Variants in SCYL3 observed in about 807,000 individuals in gnomAD.
SCYL3 encodes SCY1 like pseudokinase 3.
In SCYL3, 35 loss-of-function variants were observed where a neutral mutation model predicts 73.8. That is an observed-to-expected ratio of 0.47 (90% CI 0.36 to 0.63). The LOEUF (loss-of-function observed/expected upper bound fraction) is 0.63, where lower values mean the gene tolerates loss of function less well. Ranked by LOEUF, SCYL3 falls within the 20% of genes least tolerant of loss-of-function variation. SCYL3 has a pLI of 0.00. For synonymous variants in SCYL3, 277 were observed against 295.2 expected, an observed-to-expected ratio of 0.94 and a Z score of 0.63; for missense variants, 712 against 798.9, an observed-to-expected ratio of 0.89 and a Z score of 1.31.
intron 11 of SCYL3, among the ~76,000 whole-genome samples, 164 bp from the exon 12 acceptor site, chr1:169,855,128 C>T (rs930397187): frequency 1.3e-5 from 2 of 152,152 alleles, no homozygotes; most frequent in Non-Finnish European, 2.9e-5. Context: ...TCAAGATCAA[C>T]GATGTCACAT....
intron 1 of SCYL3, among the ~76,000 whole-genome samples, chr1:169,889,169 A>C (rs1456842635): frequency 2.0e-5 from 3 of 152,234 alleles, no homozygotes; most frequent in African/African-American, 7.2e-5. Context: ...AAAGGCAATC[A>C]AAAATAGAAT....
At chr1:169,861,327 T>C (rs974713048) in intron 10 of SCYL3, among the ~76,000 whole-genome samples, 2 of 152,190 alleles carry the variant, frequency 1.3e-5, no homozygotes, top group African/African-American at 4.8e-5. Context: ...CCTTTTTTTT[T>C]CTTTAGCCCT....
At chr1:169,866,179 T>C (rs1269498530) in intron 8 of SCYL3, among the ~76,000 whole-genome samples, 3 of 152,234 alleles carry the variant, frequency 2.0e-5, no homozygotes, top group Admixed American at 6.5e-5. Context: ...ATATTCTCTA[T>C]TTCATTTGGT....
chr1:169,863,288 T>A (rs1446468391), intron 9 of SCYL3, among the ~76,000 whole-genome samples: 1 of 152,226 alleles, frequency 6.6e-6, no homozygotes, highest in Non-Finnish European at 1.5e-5. Flanking sequence ...CGCTTAATTA[T>A]GTTAAGTACA....
chr1:169,890,496 C>T lies in SCYL3; in HGVS notation c.-50-1606G>A, dbSNP rs186033450. Among the ~76,000 whole-genome samples, 84 of 152,254 alleles carry T rather than the reference C, an allele frequency of 5.5e-4. 1 individual carries two copies. The East Asian group carries it at 6.8e-3, about 12-fold the overall frequency. ...ACTCAATAATCATTACACATTGACC[C>T]TCTACTTGGAATTTTTCCCCACTTC... On this transcript the variant is annotated intron_variant, in intron 1 of 12. Coordinates refer to ENST00000367771, the MANE Select transcript of SCYL3 (RefSeq NM_020423.7).
chr1:169,891,453 A>G (rs1320329104), intron 1 of SCYL3, among the ~76,000 whole-genome samples: 1 of 152,188 alleles, frequency 6.6e-6, no homozygotes, highest in Non-Finnish European at 1.5e-5. Context: ...ACTAATTGCC[A>G]TTTCATAGGC....
Position 169,852,816 on chromosome 1 carries a change from G to A in SCYL3, c.*897C>T. The A allele has an allele frequency of 6.2e-7, 1 of 1,614,078 alleles. No individual in the cohort carries two copies. Among genetic ancestry groups the A allele is most frequent in the Non-Finnish European group, 8.5e-7 (1 of 1,179,968 alleles). On this transcript the variant is annotated 3_prime_UTR_variant, in exon 13 of 13. Coordinates refer to ENST00000367771, the MANE Select transcript of SCYL3 (RefSeq NM_020423.7). ...CTTATGCAAAAAGAGCTCGTCAGGA[G>A]TTCCCCTGGGAAGAAGAGTACAGGT...
chr1:169,858,170 GTAA>G (rs971233977), intron 11 of SCYL3, among the ~76,000 whole-genome samples: 7 of 151,938 alleles, frequency 4.6e-5, no homozygotes, highest in African/African-American at 1.5e-4. Context: ...TGACTTTTTT[GTAA>G]TAATACTATG....
At position 169,862,816 on chromosome 1, in the gene SCYL3, G is replaced by T; in HGVS notation, c.956-19C>A. The T allele has an allele frequency of 6.2e-7, 1 of 1,608,834 alleles. No homozygotes were observed. The highest frequency in any genetic ancestry group is 8.5e-7 in the Non-Finnish European group (1 of 1,176,538). ...GCATGATCTACCCGAAAAATCAAAG[G>T]TTACAGATGAAAAAACAAATTTTCA... is the stretch of plus-strand genomic sequence containing the variant. On this transcript the variant is annotated intron_variant, in intron 9 of 12. Coordinates refer to ENST00000367771, the MANE Select transcript of SCYL3 (RefSeq NM_020423.7).
At chr1:169,858,750 T>TA (rs1325728001) in intron 11 of SCYL3, among the ~76,000 whole-genome samples, 1 of 151,446 alleles carries the variant, frequency 6.6e-6, no homozygotes, top group East Asian at 2.0e-4. Context: ...CATCATGGTA[T>TA]AGACAGTCAG....
intron 11 of SCYL3, among the ~76,000 whole-genome samples, chr1:169,855,266 T>A (rs919885692): frequency 3.3e-5 from 5 of 152,362 alleles, no homozygotes; most frequent in African/African-American, 1.2e-4. Context: ...AGAAATGCTC[T>A]AAGCCAGGCA....
At chr1:169,854,177 G>T in intron 12 of SCYL3, 93 bp downstream of exon 12, 1 of 937,722 alleles carries the variant, frequency 1.1e-6, no homozygotes. Flanking sequence ...TAGGAAAATA[G>T]CATGTTGCTT....
chr1:169,857,134 T>C (rs1659245285), intron 11 of SCYL3, among the ~76,000 whole-genome samples: 2 of 152,200 alleles, frequency 1.3e-5, no homozygotes, highest in South Asian at 4.1e-4. Flanking sequence ...CTTCCTGCAG[T>C]ATCTAAAAGG....
chr1:169,871,689 C>G (rs911048092), intron 5 of SCYL3, among the ~76,000 whole-genome samples: 8 of 152,088 alleles, frequency 5.3e-5, no homozygotes, highest in Admixed American at 4.6e-4. Flanking sequence ...ATGGCTTTGA[C>G]AAAAATGCTG....
Position 169,850,512 on chromosome 1 carries a change from T to C in SCYL3, c.*3201A>G, listed in dbSNP as rs1657992554. On this transcript the variant is annotated 3_prime_UTR_variant, in exon 13 of 13. Coordinates refer to ENST00000367771, the MANE Select transcript of SCYL3 (RefSeq NM_020423.7). ...AATTGAGGCCACAGAAGTAAAACAC[T>C]TGGGGCCAGGCGCGGCGGCTCATGC... 4 of 551,082 alleles carry C rather than the reference T, an allele frequency of 7.3e-6. No individual in the cohort carries two copies. Among genetic ancestry groups the C allele is most frequent in the South Asian group, 2.4e-5 (1 of 41,436 alleles). The allele number at this position is 551,082 out of a possible 1,614,324, so 34.1% of individuals were successfully genotyped here. A position where few individuals can be genotyped will look rare whatever the true frequency, so the allele number is the denominator to read the frequency against.
rs1558124790 is a variant in SCYL3 at position 169,864,456 on chromosome 1, A to ACCTTGAAG, written c.860_867dup (p.Val291GlnfsTer51). ...AACTGATTAAGCAGAAGAGGCACCA[A>ACCTTGAAG]CCTTGAAGCTATCAATTCCTCTGAC... On this transcript the variant is annotated frameshift_variant, in exon 9 of 13. Coordinates refer to ENST00000367771, the MANE Select transcript of SCYL3 (RefSeq NM_020423.7). LOFTEE classifies it high-confidence loss of function. The ACCTTGAAG allele has an allele frequency of 6.2e-7, 1 of 1,612,058 alleles. No individual in the cohort carries two copies.
chr1:169,853,517 G>A lies in SCYL3; in HGVS notation c.*196C>T, dbSNP rs1204027010. 4 of 577,154 alleles carry A rather than the reference G, an allele frequency of 6.9e-6. No homozygotes were observed. The highest frequency in any genetic ancestry group is 9.0e-6 in the Non-Finnish European group (3 of 331,728). The allele number at this position is 577,154 out of a possible 1,614,324, so 35.8% of individuals were successfully genotyped here. A position where few individuals can be genotyped will look rare whatever the true frequency, so the allele number is the denominator to read the frequency against. Reference sequence around the variant, plus strand: ...TTCCTCCTGGAAACCAGTACTGTGAGCCTCACCACCCAGGGCTTTTAGCCA... The same window carrying A: ...TTCCTCCTGGAAACCAGTACTGTGAACCTCACCACCCAGGGCTTTTAGCCA... On this transcript the variant is annotated 3_prime_UTR_variant, in exon 13 of 13. Coordinates refer to ENST00000367771, the MANE Select transcript of SCYL3 (RefSeq NM_020423.7).
At chr1:169,856,206 A>C (rs1659143357) in intron 11 of SCYL3, among the ~76,000 whole-genome samples, 1 of 152,206 alleles carries the variant, frequency 6.6e-6, no homozygotes, top group Admixed American at 6.5e-5. Flanking sequence ...CATTACACAG[A>C]TATAACCTTT....
At position 169,850,426 on chromosome 1, in the gene SCYL3, G is replaced by A. The variant is rs1244454310; in HGVS notation, c.*3287C>T. Reference sequence around the variant, plus strand: ...AATTATGTAACTGTAACCAACCTGAGTGTCTTCTTAGCTTAAACTTTTCAC... The same window carrying A: ...AATTATGTAACTGTAACCAACCTGAATGTCTTCTTAGCTTAAACTTTTCAC... On this transcript the variant is annotated 3_prime_UTR_variant, in exon 13 of 13. Transcript: ENST00000367771. The A allele has an allele frequency of 2.2e-6, 2 of 923,740 alleles. No individual in the cohort carries two copies. The highest frequency in any genetic ancestry group is 1.5e-5 in the South Asian group (1 of 65,552). 57.2% of individuals were successfully genotyped at this position (923,740 alleles called of 1,614,324 possible).
Sources: gnomAD v4.1 joint callset for allele counts (sites outside exome capture counted in the v4.1 genomes callset) on GRCh38, gnomAD v4.1.1 for gene constraint, MANE v1.5 for transcripts, NCBI Gene and HGNC (gene_info 2026-07-23, HGNC 2026-07-21) for gene names.